The following IQANK1 variants were observed in gnomAD, a reference collection of about 807,000 sequenced individuals.
The protein encoded by IQANK1 is IQ motif and ankyrin repeat containing 1, also known as IQ motif and ankyrin repeat domain-containing protein 1.
IQANK1 carries 30 observed loss-of-function variants against 22.6 expected under a neutral mutation model. The observed-to-expected ratio is 1.33, with a 90% CI of 0.99 to 1.80. The LOEUF (loss-of-function observed/expected upper bound fraction) is 1.80. Among genes scored for constraint, IQANK1 ranks in the 40% most tolerant of loss-of-function variants. The pLI is 0.00. For missense variants in IQANK1, 275 were observed against 235.2 expected, an observed-to-expected ratio of 1.17 and a Z score of -1.11; for synonymous variants, 122 against 99.6, an observed-to-expected ratio of 1.23 and a Z score of -1.34.
At position 143,748,165 on chromosome 8, in the gene IQANK1, T is replaced by C. The variant is rs1554627442; in HGVS notation, c.175+8217T>C. ...ATACACCACTGCGCCTGGCTAATTTTTGTATTTTTTATACAGACAGGGCTT... is the reference window on the plus strand; with the variant it reads ...ATACACCACTGCGCCTGGCTAATTTCTGTATTTTTTATACAGACAGGGCTT... On this transcript the variant is annotated intron_variant, in intron 3 of 13. Coordinates refer to ENST00000527139, the MANE Select transcript of IQANK1 (RefSeq NM_001381874.1). Among the ~76,000 whole-genome samples, 3 of 151,610 alleles carry C rather than the reference T, an allele frequency of 2.0e-5. No individual in the cohort carries two copies. In the Admixed American group the frequency reaches 2.0e-4, roughly 10 times the overall value.
intron 2 of IQANK1, among the ~76,000 whole-genome samples, chr8:143,739,072 G>A (rs1818823649): frequency 6.6e-6 from 1 of 152,254 alleles, no homozygotes; most frequent in Non-Finnish European, 1.5e-5. Flanking sequence ...GGCGGTCATG[G>A]AGGTGGGGCG....
intron 7 of IQANK1, among the ~76,000 whole-genome samples, chr8:143,784,404 T>C (rs982641735): frequency 3.3e-5 from 5 of 152,176 alleles, no homozygotes; most frequent in Non-Finnish European, 5.9e-5. Flanking sequence ...TCTGTCATGA[T>C]TGTAAGTTTC....
chr8:143,752,164 C>T (rs535902644), intron 3 of IQANK1, among the ~76,000 whole-genome samples: 1 of 152,218 alleles, frequency 6.6e-6, no homozygotes, highest in African/African-American at 2.4e-5. Context: ...CAGGGTTTCA[C>T]CATGTTGGCC....
At chr8:143,782,421 A>T (rs1163160861) in intron 7 of IQANK1, among the ~76,000 whole-genome samples, 1 of 152,080 alleles carries the variant, frequency 6.6e-6, no homozygotes, top group Non-Finnish European at 1.5e-5. Flanking sequence ...GCTTTTGCCC[A>T]TTCAGTATAA....
chr8:143,755,078 G>GC (rs1819266162), intron 3 of IQANK1, among the ~76,000 whole-genome samples: 1 of 152,192 alleles, frequency 6.6e-6, no homozygotes, highest in Non-Finnish European at 1.5e-5. Context: ...AGAAAGGATA[G>GC]CCAGGGCCAT....
intron 3 of IQANK1, among the ~76,000 whole-genome samples, chr8:143,748,857 A>G (rs186480053): frequency 1.4e-5 from 1 of 73,658 alleles, no homozygotes; most frequent in African/African-American, 5.7e-5. Context: ...AAATATATAT[A>G]TCATATATAA....
intron 3 of IQANK1, among the ~76,000 whole-genome samples, chr8:143,746,608 C>T (rs1554627219): frequency 6.6e-6 from 1 of 152,190 alleles, no homozygotes; most frequent in Non-Finnish European, 1.5e-5. Flanking sequence ...CTCTTGAACT[C>T]CTAGGCTCAG....
At chr8:143,740,766 A>T (rs1051103119) in intron 3 of IQANK1, among the ~76,000 whole-genome samples, 2 of 152,136 alleles carry the variant, frequency 1.3e-5, no homozygotes, top group Non-Finnish European at 2.9e-5. Context: ...CCATCGCCTG[A>T]TCGCCTGTGT....
chr8:143,747,668 A>C (rs971387336), intron 3 of IQANK1, among the ~76,000 whole-genome samples: 1 of 151,888 alleles, frequency 6.6e-6, no homozygotes, highest in Non-Finnish European at 1.5e-5. Flanking sequence ...ATATTGTTTA[A>C]TTCCACCATT....
At chr8:143,782,643 G>C (rs1819816708) in intron 7 of IQANK1, among the ~76,000 whole-genome samples, 1 of 152,096 alleles carries the variant, frequency 6.6e-6, no homozygotes, top group Non-Finnish European at 1.5e-5. Context: ...ACCATGCCCA[G>C]CTAATTTTGT....
At position 143,789,571 on chromosome 8, in the gene IQANK1, C is replaced by T. The variant is rs1819976263; in HGVS notation, c.1086+43C>T. On this transcript the variant is annotated intron_variant, in intron 10 of 13. Transcript: ENST00000527139. ...ACTTGATATGCCCCTGCGTCCTCAACACCCCTCCTTGTTCCAAACCAGCCC... is the reference window on the plus strand; with the variant it reads ...ACTTGATATGCCCCTGCGTCCTCAATACCCCTCCTTGTTCCAAACCAGCCC... 15 of 1,231,846 alleles carry T rather than the reference C, an allele frequency of 1.2e-5. No homozygotes were observed. In the South Asian group the frequency reaches 5.3e-4, roughly 44 times the overall value. 76.3% of individuals were successfully genotyped at this position (1,231,846 alleles called of 1,614,324 possible). A position where few individuals can be genotyped will look rare whatever the true frequency, so the allele number is the denominator to read the frequency against.
rs1276257078 is a variant in IQANK1 at position 143,774,551 on chromosome 8, TG to T, written c.789+2075del. 6.6e-6 allele frequency among the ~76,000 whole-genome samples: 1 copy of T among 152,114 alleles called. No homozygotes were observed. On this transcript the variant is annotated intron_variant, in intron 7 of 13. Coordinates refer to ENST00000527139, the MANE Select transcript of IQANK1 (RefSeq NM_001381874.1). This position sits in a 1 kb window ranked among gnomAD's most constrained non-coding sequence, Gnocchi z 4.2. The stretch of plus-strand genomic sequence containing the variant: ...GGAAGCTGGCCCTGCCACACCTTGC[TG>T]GGGGGACGCAGCACCAGTACAGCCG...
intron 2 of IQANK1, among the ~76,000 whole-genome samples, chr8:143,738,980 A>C (rs1818821257): frequency 6.6e-6 from 1 of 152,192 alleles, no homozygotes; most frequent in African/African-American, 2.4e-5. Context: ...GGGCCACTGC[A>C]CTGCGGCTGG....
chr8:143,779,992 CT>C (rs1819762073), intron 7 of IQANK1, among the ~76,000 whole-genome samples: 1 of 152,138 alleles, frequency 6.6e-6, no homozygotes, highest in Non-Finnish European at 1.5e-5. Context: ...CATCTTCAGA[CT>C]TTCCTTTTTA....
intron 3 of IQANK1, among the ~76,000 whole-genome samples, chr8:143,756,607 G>A (rs1819297231): frequency 6.6e-6 from 1 of 151,982 alleles, no homozygotes; most frequent in Admixed American, 6.6e-5. Context: ...TATCCCAAAT[G>A]GTGTAGTTAT....
intron 3 of IQANK1, among the ~76,000 whole-genome samples, chr8:143,747,121 C>A (rs1324932987): frequency 6.6e-6 from 1 of 152,196 alleles, no homozygotes; most frequent in Non-Finnish European, 1.5e-5. Flanking sequence ...CCTCGTGATC[C>A]ACCCGCCTTG....
Position 143,772,034 on chromosome 8 carries a change from C to T in IQANK1, c.472-18C>T. Reference sequence around the variant, plus strand: ...GAGTGGGAGGAGCGGGGAGCGGTGACCGCGGCGAGCTGCGCAGGTGGAGCA... The same window carrying T: ...GAGTGGGAGGAGCGGGGAGCGGTGATCGCGGCGAGCTGCGCAGGTGGAGCA... On this transcript the variant is annotated intron_variant, in intron 5 of 13. Transcript: ENST00000527139. 1 of 395,788 alleles carries T rather than the reference C, an allele frequency of 2.5e-6. No homozygotes were observed. The highest frequency in any genetic ancestry group is 4.4e-5 in the Admixed American group (1 of 22,584). 24.5% of individuals were successfully genotyped at this position (395,788 alleles called of 1,614,324 possible).
chr8:143,789,784 G>C lies in IQANK1; in HGVS notation c.1110G>C (p.Gln370His). 1 of 1,232,164 alleles carries C rather than the reference G, an allele frequency of 8.1e-7. No homozygotes were observed. Among genetic ancestry groups the C allele is most frequent in the Non-Finnish European group, 1.0e-6 (1 of 988,116 alleles). 76.3% of individuals were successfully genotyped at this position (1,232,164 alleles called of 1,614,324 possible). A position where few individuals can be genotyped will look rare whatever the true frequency, so the allele number is the denominator to read the frequency against. The stretch of plus-strand genomic sequence containing the variant: ...AGGCCATCAAGGACACAGAGGCCCA[G>C]GTGGACAGGCTGCGGCAGGAGGCCC... The part of the protein sequence containing the change: ...TLQAIKDTEA[Q>H]VDRLRQEAQK... The change falls in exon 11 of 14, where the codon CAG (glutamine) becomes CAC (histidine). Residue 370 changes from glutamine (Q) to histidine (H), a missense_variant. By Grantham distance (24) the Gln-to-His change is conservative. Coordinates refer to ENST00000527139, the MANE Select transcript of IQANK1 (RefSeq NM_001381874.1).
intron 3 of IQANK1, among the ~76,000 whole-genome samples, chr8:143,751,084 A>G (rs929346703): frequency 8.5e-5 from 13 of 152,148 alleles, no homozygotes; most frequent in African/African-American, 2.7e-4. Flanking sequence ...TAACTCTCCA[A>G]TTTGAATTTA....
Sources: allele counts gnomAD v4.1 joint callset (sites outside exome capture counted in the v4.1 genomes callset), GRCh38; gene constraint gnomAD v4.1.1; non-coding constraint Gnocchi (gnomAD v3.1); transcripts MANE v1.5; gene names NCBI Gene and HGNC (gene_info 2026-07-23, HGNC 2026-07-21).